Variants in ZCCHC7 observed in about 807,000 individuals in gnomAD.
The protein encoded by ZCCHC7 is zinc finger CCHC-type containing 7.
A neutral mutation model predicts 52.0 loss-of-function variants in ZCCHC7; 35 were observed. The ratio of observed to expected loss-of-function variants is 0.67; its 90% confidence interval spans 0.51 to 0.89. The LOEUF is 0.89. Among genes scored for constraint, ZCCHC7 ranks in the 40% least tolerant of loss-of-function variants. The pLI, the probability that ZCCHC7 is intolerant of heterozygous loss-of-function variation, is 0.00. For missense variants in ZCCHC7, 574 were observed against 649.1 expected, an observed-to-expected ratio of 0.88 and a Z score of 1.26; for synonymous variants, 217 against 221.5, an observed-to-expected ratio of 0.98 and a Z score of 0.18.
At chr9:37,276,764 A>G (rs1323547764) in intron 2 of ZCCHC7, among the ~76,000 whole-genome samples, 1 of 152,214 alleles carries the variant, frequency 6.6e-6, no homozygotes, top group Non-Finnish European at 1.5e-5. Flanking sequence ...CTAAAATGTA[A>G]TATTTTCTCT....
intron 6 of ZCCHC7, among the ~76,000 whole-genome samples, chr9:37,334,884 G>A (rs530336700): frequency 2.0e-5 from 3 of 151,960 alleles, no homozygotes; most frequent in South Asian, 2.1e-4. Flanking sequence ...CATAGATACC[G>A]CACATTTCAA....
At chr9:37,210,462 T>C (rs924572469) in intron 2 of ZCCHC7, among the ~76,000 whole-genome samples, 7 of 152,212 alleles carry the variant, frequency 4.6e-5, no homozygotes, top group African/African-American at 1.7e-4. Flanking sequence ...ATCTTTTTCA[T>C]GTGATAAATA....
intron 2 of ZCCHC7, among the ~76,000 whole-genome samples, chr9:37,256,672 G>GTAA (rs1564206278): frequency 1.3e-5 from 2 of 151,860 alleles, no homozygotes; most frequent in Non-Finnish European, 2.9e-5. Flanking sequence ...AATAAAACTC[G>GTAA]GTGAACCAGT....
intron 6 of ZCCHC7, among the ~76,000 whole-genome samples, chr9:37,339,065 T>C (rs1830811487): frequency 1.3e-5 from 2 of 152,198 alleles, no homozygotes; most frequent in Non-Finnish European, 2.9e-5. Context: ...AAAAGTATTA[T>C]GTATATATGG....
rs552976432 is a variant in ZCCHC7, at chr9:37,241,712, T to C, written c.611-60476T>C. On this transcript the variant is annotated intron_variant, in intron 2 of 8. Coordinates refer to ENST00000336755, the MANE Select transcript of ZCCHC7 (RefSeq NM_032226.3). ...CAGAAAATACAACTATCATAAATGG[T>C]AACCTGCTTTCTATAGTATAGCTTT... 3.3e-5 allele frequency among the ~76,000 whole-genome samples: 5 copies of C among 151,924 alleles called. No homozygotes were observed. In the South Asian group the frequency reaches 1.0e-3, roughly 31 times the overall value.
chr9:37,165,264 C>CAAA (rs943239458), intron 2 of ZCCHC7, among the ~76,000 whole-genome samples: 2 of 151,202 alleles, frequency 1.3e-5, no homozygotes, highest in Non-Finnish European at 2.9e-5. Flanking sequence ...TGGAACTTAT[C>CAAA]ACCTGGGAAT....
chr9:37,352,621 C>A (rs568881943), intron 7 of ZCCHC7, among the ~76,000 whole-genome samples: 2 of 145,782 alleles, frequency 1.4e-5, no homozygotes, highest in East Asian at 4.0e-4. Flanking sequence ...TAGGTTCAAG[C>A]TATTCCTACT....
At chr9:37,304,134 CT>C in intron 3 of ZCCHC7, 53 bp from the exon 4 acceptor site, 1 of 1,563,198 alleles carries the variant, frequency 6.4e-7, no homozygotes, top group Admixed American at 1.9e-5. Flanking sequence ...TAGTAGATGG[CT>C]TTTATTTAGC....
intron 2 of ZCCHC7, among the ~76,000 whole-genome samples, chr9:37,290,112 A>G (rs1828463306): frequency 1.3e-5 from 2 of 152,042 alleles, no homozygotes; most frequent in Admixed American, 1.3e-4. Context: ...TAATTGTTTC[A>G]CTTTCCCACT....
chr9:37,252,472 G>A (rs1274200546), intron 2 of ZCCHC7, among the ~76,000 whole-genome samples: 1 of 151,946 alleles, frequency 6.6e-6, no homozygotes, highest in East Asian at 1.9e-4. Flanking sequence ...GCCAGTTTTG[G>A]AATTCCTTAA....
intron 2 of ZCCHC7, among the ~76,000 whole-genome samples, chr9:37,254,240 C>T (rs1356803610): frequency 1.3e-5 from 2 of 152,004 alleles, no homozygotes; most frequent in African/African-American, 4.8e-5. Context: ...TACCAACTAA[C>T]ATACTTAAGA....
intron 5 of ZCCHC7, among the ~76,000 whole-genome samples, chr9:37,323,471 G>T (rs1271160579): frequency 6.6e-6 from 1 of 152,156 alleles, no homozygotes; most frequent in Non-Finnish European, 1.5e-5. Flanking sequence ...ATGAAGTCTG[G>T]TTCATCTTGG....
rs557427491 is a variant in ZCCHC7, at chr9:37,264,352, A to G, written c.611-37836A>G. On this transcript the variant is annotated intron_variant, in intron 2 of 8. Transcript: ENST00000336755. The stretch of plus-strand genomic sequence containing the variant: ...TTCCCAAAACGGAAAAAGGTATTAC[A>G]GTGTCTGTTAAACCAGACTTAATGG... 3.9e-5 allele frequency among the ~76,000 whole-genome samples: 6 copies of G among 152,358 alleles called. No homozygotes were observed. The East Asian group carries it at 7.7e-4, about 20-fold the overall frequency.
chr9:37,288,259 G>A (rs1200125358), intron 2 of ZCCHC7, among the ~76,000 whole-genome samples: 1 of 148,208 alleles, frequency 6.7e-6, no homozygotes, highest in Admixed American at 6.7e-5. Context: ...CAGCCTGGGT[G>A]ACATTGTGAG....
intron 5 of ZCCHC7, among the ~76,000 whole-genome samples, chr9:37,306,761 C>CTTTTTTTTTTTTTTTTTTT (rs1265092730): frequency 1.2e-5 from 1 of 85,838 alleles, no homozygotes; most frequent in Non-Finnish European, 2.4e-5. Flanking sequence ...CTGTACCCGA[C>CTTTTTTTTTTTTTTTTTTT]CTTTTTTTTT....
chr9:37,170,547 C>T (rs1194709716), intron 2 of ZCCHC7, among the ~76,000 whole-genome samples: 2 of 152,152 alleles, frequency 1.3e-5, no homozygotes, highest in South Asian at 2.1e-4. Flanking sequence ...GGGACTGGTA[C>T]GCATTTTTGT....
At chr9:37,304,842 A>G (rs1229191065) in intron 4 of ZCCHC7, among the ~76,000 whole-genome samples, 1 of 151,922 alleles carries the variant, frequency 6.6e-6, no homozygotes, top group Non-Finnish European at 1.5e-5. Context: ...AAATCATTTA[A>G]CCCTCTGTGC....
chr9:37,304,239 T>A lies in ZCCHC7; in HGVS notation c.706T>A (p.Ser236Thr). The A allele has an allele frequency of 6.2e-7, 1 of 1,614,116 alleles. No homozygotes were observed. Among genetic ancestry groups the A allele is most frequent in the Non-Finnish European group, 8.5e-7 (1 of 1,179,964 alleles). Residue 236 changes from serine to threonine, a missense_variant, in exon 4 of 9, where the codon TCA becomes ACA. Around this residue, in one of 3 missense-constraint regions of ZCCHC7, gnomAD observed 403 missense variants for 461.2 expected, o/e 0.87. Coordinates refer to ENST00000336755, the MANE Select transcript of ZCCHC7 (RefSeq NM_032226.3). ...TPGRWTQRYY[S>T]ANKNIICRNC... ...TGGAAGATGGACCCAGCGGTACTAT[T>A]CAGCCAACAAAAACATTATCTGTAG...
chr9:37,203,308 A>C (rs899491166), intron 2 of ZCCHC7, among the ~76,000 whole-genome samples: 1 of 152,126 alleles, frequency 6.6e-6, no homozygotes, highest in Admixed American at 6.5e-5. Flanking sequence ...TTCTTTAAAA[A>C]ATTTTTTTTT....
Sources: gnomAD v4.1 joint callset for allele counts (sites outside exome capture counted in the v4.1 genomes callset) on GRCh38, gnomAD v4.1.1 for gene constraint, gnomAD v4.1.1 regional missense constraint, MANE v1.5 for transcripts, NCBI Gene and HGNC (gene_info 2026-07-23, HGNC 2026-07-21) for gene names.